The following MYT1L variants were observed in gnomAD, a reference collection of about 807,000 sequenced individuals.
MYT1L encodes myelin transcription factor 1 like, also known as myelin transcription factor 1-like protein.
Under a neutral mutation model 126.7 loss-of-function variants are expected in MYT1L, and 12 were observed. That is an observed-to-expected ratio of 0.09 (90% CI 0.06 to 0.15). The LOEUF is 0.15. MYT1L is among the 10% of genes least tolerant of loss of function. The probability of loss-of-function intolerance (pLI) is 1.00; values close to 1 mark genes in which losing one functional copy is unlikely to be tolerated. For synonymous variants in MYT1L, 541 were observed against 604.2 expected (o/e 0.90, Z 1.53); for missense variants, 979 against 1,585.2 (o/e 0.62, Z 6.49).
intron 3 of MYT1L, among the ~76,000 whole-genome samples, chr2:2,102,588 G>A (rs1466981885): frequency 6.7e-6 from 1 of 150,252 alleles, no homozygotes; most frequent in Non-Finnish European, 1.5e-5. Context: ...CTCCATTTTG[G>A]CAATGCCTCT....
intron 1 of MYT1L, among the ~76,000 whole-genome samples, chr2:2,298,090 GT>G (rs1400583467): frequency 6.6e-6 from 1 of 152,220 alleles, no homozygotes; most frequent in Non-Finnish European, 1.5e-5. Flanking sequence ...GTGAGGACCA[GT>G]TTGTTCTCTG....
At chr2:2,175,101 T>C (rs2090571889) in intron 2 of MYT1L, among the ~76,000 whole-genome samples, 1 of 152,000 alleles carries the variant, frequency 6.6e-6, no homozygotes, top group Non-Finnish European at 1.5e-5. Context: ...GGCTCAGTGG[T>C]TTCGGGAATT....
intron 3 of MYT1L, among the ~76,000 whole-genome samples, chr2:2,162,356 G>C (rs1488345018): frequency 1.3e-5 from 2 of 152,062 alleles, no homozygotes; most frequent in African/African-American, 4.8e-5. Context: ...CAGAGAAAAG[G>C]GATCGGGTAG....
chr2:1,912,536 A>C lies in MYT1L; in HGVS notation c.1619-426T>G, dbSNP rs2052186590. The stretch of plus-strand genomic sequence containing the variant: ...GAGTATTGATTAGCCATAGAACAAC[A>C]CAGAGGCTGGGGATTTTAAAAACAT... On this transcript the variant is annotated intron_variant, in intron 11 of 24. Transcript: ENST00000647738. This position sits in a 1 kb window ranked among gnomAD's most constrained non-coding sequence, Gnocchi z 4.3. Among the ~76,000 whole-genome samples the C allele has an allele frequency of 6.6e-6, 1 of 152,178 alleles. No individual in the cohort carries two copies. Among genetic ancestry groups the C allele is most frequent in the Admixed American group, 6.5e-5 (1 of 15,274 alleles).
intron 3 of MYT1L, among the ~76,000 whole-genome samples, chr2:2,165,484 C>T (rs1244987776): frequency 1.3e-5 from 2 of 152,070 alleles, no homozygotes; most frequent in African/African-American, 4.8e-5. Flanking sequence ...TCTCACATCA[C>T]CAATGCGTAA....
chr2:2,304,948 G>T (rs946395353), intron 1 of MYT1L, among the ~76,000 whole-genome samples: 3 of 152,194 alleles, frequency 2.0e-5, no homozygotes, highest in African/African-American at 7.2e-5. Context: ...GAGTTGAGAT[G>T]TACTTTCAGT....
chr2:2,216,807 G>GAC (rs2093690032), intron 2 of MYT1L, among the ~76,000 whole-genome samples: 1 of 150,220 alleles, frequency 6.7e-6, no homozygotes, highest in Admixed American at 6.7e-5. Context: ...GAGAGAGAGA[G>GAC]AACACAATTA....
At chr2:2,106,683 G>A (rs539780817) in intron 3 of MYT1L, among the ~76,000 whole-genome samples, 12 of 152,222 alleles carry the variant, frequency 7.9e-5, no homozygotes, top group Admixed American at 3.9e-4. Context: ...AGTCTCTCAC[G>A]TTCCTAACAC....
chr2:2,260,698 A>C (rs747528324), intron 2 of MYT1L, among the ~76,000 whole-genome samples: 4 of 152,156 alleles, frequency 2.6e-5, no homozygotes, highest in East Asian at 3.9e-4. Flanking sequence ...TGCTTTATTA[A>C]AATTTCCTAA....
At chr2:2,278,809 G>A (rs1215938312) in intron 2 of MYT1L, among the ~76,000 whole-genome samples, 2 of 152,150 alleles carry the variant, frequency 1.3e-5, no homozygotes, top group African/African-American at 4.8e-5. Flanking sequence ...GGAAACAGTA[G>A]GACAGTGGTG....
At chr2:2,240,073 A>G (rs2094407767) in intron 2 of MYT1L, among the ~76,000 whole-genome samples, 2 of 152,208 alleles carry the variant, frequency 1.3e-5, no homozygotes, top group South Asian at 2.1e-4. Flanking sequence ...CGAGGTGGGC[A>G]GATCACCTGA....
At position 1,921,356 on chromosome 2, in the gene MYT1L, T is replaced by C. The variant is rs1204930454; in HGVS notation, c.1483+930A>G. Among the ~76,000 whole-genome samples the C allele has an allele frequency of 3.9e-5, 6 of 152,334 alleles. No individual in the cohort carries two copies. In the East Asian group the frequency reaches 1.2e-3, roughly 29 times the overall value. Reference sequence around the variant, plus strand: ...AGGCTGAATTAGAACCTGCCTCATATTGAAAGTGGACACCGTCTTCTTTAC... The same window carrying C: ...AGGCTGAATTAGAACCTGCCTCATACTGAAAGTGGACACCGTCTTCTTTAC... On this transcript the variant is annotated intron_variant, in intron 10 of 24. Transcript: ENST00000647738.
At chr2:1,851,284 G>A (rs1217567664) in intron 19 of MYT1L, among the ~76,000 whole-genome samples, 1 of 152,156 alleles carries the variant, frequency 6.6e-6, no homozygotes, top group African/African-American at 2.4e-5. Flanking sequence ...AGTGGCATTA[G>A]AATGTGTGTC....
intron 9 of MYT1L, among the ~76,000 whole-genome samples, chr2:1,927,618 G>A (rs548415844): frequency 4.6e-5 from 7 of 152,116 alleles, no homozygotes; most frequent in Non-Finnish European, 8.8e-5. Flanking sequence ...ACTGACACAG[G>A]ACCCAGGCAA....
At chr2:1,821,617 T>C (rs1047744038) in intron 21 of MYT1L, among the ~76,000 whole-genome samples, 5 of 152,220 alleles carry the variant, frequency 3.3e-5, no homozygotes, top group African/African-American at 1.2e-4. Context: ...GTTTCTGCCA[T>C]GTTGTTTACT....
chr2:2,313,118 C>T (rs1365014031), intron 1 of MYT1L, among the ~76,000 whole-genome samples: 2 of 152,142 alleles, frequency 1.3e-5, no homozygotes, highest in African/African-American at 2.4e-5. Context: ...GGATTCATAT[C>T]GTGTATTCAC....
At chr2:2,003,797 T>G (rs2062664851) in intron 4 of MYT1L, among the ~76,000 whole-genome samples, 1 of 152,196 alleles carries the variant, frequency 6.6e-6, no homozygotes, top group African/African-American at 2.4e-5. Flanking sequence ...CCTCAGCCTC[T>G]GGGAGCAGCA....
At chr2:1,975,322 C>T (rs915614426) in intron 8 of MYT1L, among the ~76,000 whole-genome samples, 7 of 147,946 alleles carry the variant, frequency 4.7e-5, no homozygotes, top group Non-Finnish European at 5.9e-5. Flanking sequence ...GAGAGGGTGA[C>T]GTATGGCCCC....
intron 3 of MYT1L, among the ~76,000 whole-genome samples, chr2:2,097,561 C>T (rs192360817): frequency 1.4e-4 from 22 of 152,262 alleles, no homozygotes; most frequent in South Asian, 8.3e-4. Context: ...GTGGAGTTGA[C>T]AGAGGGTTTT....
Sources: gnomAD v4.1 joint callset for allele counts (sites outside exome capture counted in the v4.1 genomes callset) on GRCh38, gnomAD v4.1.1 for gene constraint, Gnocchi (gnomAD v3.1) non-coding constraint, MANE v1.5 for transcripts, NCBI Gene and HGNC (gene_info 2026-07-23, HGNC 2026-07-21) for gene names.